TRIQK: variants seen among roughly 807,000 people sequenced by gnomAD.
The protein encoded by TRIQK is triple QxxK/R motif-containing protein.
A neutral mutation model predicts 10.8 loss-of-function variants in TRIQK; 10 were observed. That is an observed-to-expected ratio of 0.92 (90% confidence interval 0.57 to 1.57). The LOEUF is 1.57. Among genes scored for constraint, TRIQK ranks in the 40% most tolerant of loss-of-function variants. The pLI, the probability that TRIQK is intolerant of heterozygous loss-of-function variation, is 0.00. For missense variants in TRIQK, 107 were observed against 97.7 expected, an observed-to-expected ratio of 1.09 and a Z score of -0.40; for synonymous variants, 33 against 33.7, an observed-to-expected ratio of 0.98 and a Z score of 0.07.
At chr8:92,934,309 A>G (rs918898195) in intron 2 of TRIQK, among the ~76,000 whole-genome samples, 1 of 152,018 alleles carries the variant, frequency 6.6e-6, no homozygotes, top group Non-Finnish European at 1.5e-5. Flanking sequence ...TTTAAAAAAC[A>G]TAGAATACAT....
intron 1 of TRIQK, among the ~76,000 whole-genome samples, chr8:92,972,027 T>A (rs952254772): frequency 2.0e-5 from 3 of 152,198 alleles, no homozygotes; most frequent in African/African-American, 7.2e-5. Flanking sequence ...GTTGACCTTT[T>A]TATCTCTGGT....
At chr8:92,976,804 G>T in intron 1 of TRIQK, among the ~76,000 whole-genome samples, 1 of 151,520 alleles carries the variant, frequency 6.6e-6, no homozygotes, top group Non-Finnish European at 1.5e-5. Flanking sequence ...CTTTTTAATG[G>T]TTTTTTTGTG....
chr8:92,988,094 T>G (rs1813055934), intron 1 of TRIQK, among the ~76,000 whole-genome samples: 1 of 131,644 alleles, frequency 7.6e-6, no homozygotes, highest in Non-Finnish European at 1.6e-5. Flanking sequence ...GCAAGCAAGC[T>G]CCGCCTCCCG....
intron 1 of TRIQK, among the ~76,000 whole-genome samples, chr8:92,961,653 A>G (rs1017209639): frequency 8.5e-5 from 13 of 152,244 alleles, no homozygotes; most frequent in Non-Finnish European, 1.2e-4. Flanking sequence ...GGACTTTGCC[A>G]CAGGTATCCA....
At chr8:92,942,625 T>C (rs766954915) in intron 2 of TRIQK, among the ~76,000 whole-genome samples, 1 of 152,188 alleles carries the variant, frequency 6.6e-6, no homozygotes, top group Non-Finnish European at 1.5e-5. Context: ...GATGTCATTA[T>C]CTTACATGGA....
upstream of TRIQK, among the ~76,000 whole-genome samples, chr8:92,968,344 GT>G (rs544359028): frequency 3.1e-3 from 477 of 152,134 alleles, 4 homozygotes; most frequent in African/African-American, 0.011. Flanking sequence ...GTCAAATGGC[GT>G]TTCTGGTTCT....
At chr8:92,891,927 A>G (rs926619914) in intron 4 of TRIQK, 62 bp downstream of exon 4, 1 of 1,141,060 alleles carries the variant, frequency 8.8e-7, no homozygotes, top group African/African-American at 1.6e-5. Context: ...TATGCAATCC[A>G]GTTTTAGAAA....
intron 2 of TRIQK, among the ~76,000 whole-genome samples, chr8:92,947,533 G>A (rs1434520820): frequency 3.6e-5 from 5 of 140,554 alleles, no homozygotes; most frequent in East Asian, 2.1e-4. Flanking sequence ...GCAGTGAGCC[G>A]AGATTGCGCC....
intron 1 of TRIQK, among the ~76,000 whole-genome samples, chr8:93,005,585 A>G (rs1813260682): frequency 2.6e-5 from 4 of 152,182 alleles, no homozygotes; most frequent in Admixed American, 2.6e-4. Flanking sequence ...GACATAGATA[A>G]AGCATTTAAC....
rs938913931 is a variant in TRIQK, at chr8:92,886,471, C to T, written c.*151G>A. 7.4e-6 allele frequency: 4 copies of T among 541,160 alleles called. No homozygotes were observed. Among genetic ancestry groups the T allele is most frequent in the African/African-American group, 5.8e-5 (3 of 51,472 alleles). The allele number at this position is 541,160 out of a possible 1,614,324, so 33.5% of individuals were successfully genotyped here. On this transcript the variant is annotated 3_prime_UTR_variant, in exon 5 of 5. Transcript: ENST00000521988. ...TTGCTAGGTAAGGTTCTTTTCCTGA[C>T]ATCCTATGCAACTATCAAAAATCAT... is the stretch of plus-strand genomic sequence containing the variant.
chr8:92,947,903 G>T (rs1811639670), intron 2 of TRIQK, among the ~76,000 whole-genome samples: 1 of 152,032 alleles, frequency 6.6e-6, no homozygotes. Context: ...GGAAAAAAAT[G>T]GCATCTTCTA....
intron 2 of TRIQK, among the ~76,000 whole-genome samples, chr8:92,940,468 G>C (rs1467487339): frequency 1.3e-5 from 2 of 151,930 alleles, no homozygotes; most frequent in Non-Finnish European, 2.9e-5. Flanking sequence ...AATGAGAGTG[G>C]AGTAGCTATA....
chr8:92,963,757 G>C (rs1812574268), intron 1 of TRIQK: 2 of 152,288 alleles, frequency 1.3e-5, no homozygotes, highest in African/African-American at 4.8e-5. Flanking sequence ...GCCAGGTGTG[G>C]TGGTGCACTC....
intron 2 of TRIQK, among the ~76,000 whole-genome samples, chr8:92,932,698 T>C (rs566269603): frequency 5.9e-4 from 90 of 152,306 alleles, no homozygotes; most frequent in African/African-American, 2.1e-3. Flanking sequence ...ATTTATTCGT[T>C]AGTATCCTAC....
chr8:93,003,528 A>G (rs1813237117), intron 1 of TRIQK, among the ~76,000 whole-genome samples: 1 of 147,170 alleles, frequency 6.8e-6, no homozygotes. Flanking sequence ...GAGCCAAACC[A>G]TGTCATTCCT....
intron 4 of TRIQK, among the ~76,000 whole-genome samples, chr8:92,890,116 TGGCAATTGCTG>T: frequency 6.6e-6 from 1 of 151,852 alleles, no homozygotes; most frequent in East Asian, 1.9e-4. Flanking sequence ...AAGCATTAAA[TGGCAATTGCTG>T]AAAGAAACTT....
chr8:92,997,607 C>G (rs1162955323), intron 1 of TRIQK, among the ~76,000 whole-genome samples: 2 of 152,032 alleles, frequency 1.3e-5, no homozygotes, highest in Non-Finnish European at 2.9e-5. Flanking sequence ...AGAATATTTT[C>G]TTGATGTTGT....
intron 2 of TRIQK, among the ~76,000 whole-genome samples, chr8:92,919,255 G>A (rs1241696198): frequency 1.3e-5 from 2 of 151,792 alleles, no homozygotes; most frequent in East Asian, 3.8e-4. Context: ...GGATTTTTGT[G>A]GAGAATGTCA....
rs1808842416 is a variant in TRIQK, at chr8:92,900,102, A to C, written c.62-8028T>G. ...TGCCCATTCAAAACTCAGATTATTA[A>C]ATTTTTTCCTATTGGGTTGTCTGAG... On this transcript the variant is annotated intron_variant, in intron 3 of 4. Transcript: ENST00000521988. 1.3e-5 allele frequency among the ~76,000 whole-genome samples: 2 copies of C among 151,992 alleles called. 1 individual carries two copies. Among genetic ancestry groups the C allele is most frequent in the Non-Finnish European group, 2.9e-5 (2 of 67,950 alleles).
Sources: gnomAD v4.1 joint callset for allele counts (sites outside exome capture counted in the v4.1 genomes callset) on GRCh38, gnomAD v4.1.1 for gene constraint, MANE v1.5 for transcripts, NCBI Gene and HGNC (gene_info 2026-07-23, HGNC 2026-07-21) for gene names.